The following ARHGEF10L variants were observed in gnomAD, a reference collection of about 807,000 sequenced individuals.
ARHGEF10L encodes the protein rho guanine nucleotide exchange factor 10-like protein.
Under a neutral mutation model 141.2 loss-of-function variants are expected in ARHGEF10L, and 69 were observed. That is an observed-to-expected ratio of 0.49 (90% CI 0.40 to 0.60). The LOEUF is 0.60. Ranked by LOEUF, ARHGEF10L falls within the 20% of genes least tolerant of loss-of-function variation. The pLI, the probability that ARHGEF10L is intolerant of heterozygous loss-of-function variation, is 0.00. For missense variants in ARHGEF10L, 1,482 were observed against 1,734.3 expected (o/e 0.85, Z 2.58); for synonymous variants, 711 against 718.5 (o/e 0.99, Z 0.17).
intron 4 of ARHGEF10L, among the ~76,000 whole-genome samples, chr1:17,596,373 G>C (rs2080100396): frequency 6.6e-6 from 1 of 152,220 alleles, no homozygotes; most frequent in African/African-American, 2.4e-5. Flanking sequence ...GGCGGGCGGT[G>C]ACACTGTGTG....
At chr1:17,515,459 A>C in the ARHGEF10L span, among the ~76,000 whole-genome samples, 2 of 151,316 alleles carry the variant, frequency 1.3e-5, no homozygotes, top group African/African-American at 4.9e-5. Flanking sequence ...ATGCCTGGCT[A>C]ATTTTTGTAT....
Position 17,656,484 on chromosome 1 carries a change from G to A in ARHGEF10L, c.2706-70G>A. On this transcript the variant is annotated intron_variant, in intron 24 of 28. Transcript: ENST00000361221. The surrounding 1 kb of genome is among the most constrained non-coding windows in gnomAD (Gnocchi z 4.9). The stretch of plus-strand genomic sequence containing the variant: ...GCTCCCTGGGGCCCTCTCCCTAGGA[G>A]GGCATGGGGGCAGTGAGTGGGTGGG... 1 of 1,550,424 alleles carries A rather than the reference G, an allele frequency of 6.4e-7. No homozygotes were observed. The highest frequency in any genetic ancestry group is 1.7e-4 in the Middle Eastern group (1 of 5,780).
intron 8 of ARHGEF10L, among the ~76,000 whole-genome samples, chr1:17,614,617 CAAG>C (rs1259493453): frequency 2.0e-5 from 3 of 151,850 alleles, no homozygotes; most frequent in Non-Finnish European, 2.9e-5. Flanking sequence ...CACCCCCCAA[CAAG>C]AAGAAGATGA....
chr1:17,545,839 G>T (rs963905853), intron 1 of ARHGEF10L, among the ~76,000 whole-genome samples: 5 of 152,212 alleles, frequency 3.3e-5, no homozygotes, highest in Non-Finnish European at 7.3e-5. Flanking sequence ...GGGGAATGGG[G>T]TAGGGAGAGG....
At chr1:17,630,724 C>A (rs556944996) in intron 15 of ARHGEF10L, among the ~76,000 whole-genome samples, 1 of 152,238 alleles carries the variant, frequency 6.6e-6, no homozygotes, top group Non-Finnish European at 1.5e-5. Context: ...CCTCAAGGAC[C>A]GCTGAGCTGA....
chr1:17,519,069 G>A, the ARHGEF10L span, among the ~76,000 whole-genome samples: 1 of 151,834 alleles, frequency 6.6e-6, no homozygotes, highest in Admixed American at 6.6e-5. Flanking sequence ...CAGCTACTCG[G>A]GAGGCTGAGG....
chr1:17,514,260 C>T, the ARHGEF10L span, among the ~76,000 whole-genome samples: 256 of 149,814 alleles, frequency 1.7e-3, 1 homozygote, highest in African/African-American at 3.1e-3. Flanking sequence ...CTCAGCCTCC[C>T]GAGTAGCTGA....
chr1:17,685,852 A>C (rs2064527713), intron 26 of ARHGEF10L, among the ~76,000 whole-genome samples: 1 of 152,262 alleles, frequency 6.6e-6, no homozygotes. Flanking sequence ...AGGAAGTCAG[A>C]TTTAATAGCA....
chr1:17,543,544 T>G (rs2076806870), intron 1 of ARHGEF10L, among the ~76,000 whole-genome samples: 1 of 151,964 alleles, frequency 6.6e-6, no homozygotes, highest in South Asian at 2.1e-4. Context: ...GGTTGTGCCA[T>G]TGTACTCCAG....
chr1:17,561,149 G>A (rs982821850), intron 1 of ARHGEF10L, among the ~76,000 whole-genome samples: 2 of 152,240 alleles, frequency 1.3e-5, no homozygotes, highest in African/African-American at 4.8e-5. Flanking sequence ...CTCCCAGCAC[G>A]TAGTAGGTGC....
chr1:17,664,809 G>GCCCA (rs962769167), intron 26 of ARHGEF10L, among the ~76,000 whole-genome samples: 1 of 152,228 alleles, frequency 6.6e-6, no homozygotes, highest in African/African-American at 2.4e-5. Flanking sequence ...AACAGAAAGT[G>GCCCA]CCCAGCTGCA....
Position 17,603,064 on chromosome 1 carries a change from G to A in ARHGEF10L, c.350-444G>A, listed in dbSNP as rs1053941269. On this transcript the variant is annotated intron_variant, in intron 5 of 28. Transcript: ENST00000361221. The surrounding 1 kb of genome is among the most constrained non-coding windows in gnomAD (Gnocchi z 4.8). ...GGGTCTCGTGACTTCTTCCTGGAAGGCCTGTGGGTCAAGGACCGGCTCCCA... is the reference window on the plus strand; with the variant it reads ...GGGTCTCGTGACTTCTTCCTGGAAGACCTGTGGGTCAAGGACCGGCTCCCA... Among the ~76,000 whole-genome samples, 16 of 151,928 alleles carry A rather than the reference G, an allele frequency of 1.1e-4. No individual in the cohort carries two copies. Among genetic ancestry groups the A allele is most frequent in the African/African-American group, 3.9e-4 (16 of 41,340 alleles).
chr1:17,592,567 C>T (rs753015802), intron 4 of ARHGEF10L, among the ~76,000 whole-genome samples: 1 of 152,086 alleles, frequency 6.6e-6, no homozygotes, highest in Non-Finnish European at 1.5e-5. Flanking sequence ...CTCAGCAAAG[C>T]AGTATTGGCA....
intron 27 of ARHGEF10L, among the ~76,000 whole-genome samples, chr1:17,692,279 A>G (rs1569837797): frequency 6.6e-6 from 1 of 152,018 alleles, no homozygotes; most frequent in Non-Finnish European, 1.5e-5. Context: ...GCATTTCCAC[A>G]TTGCAGGGAC....
chr1:17,644,492 C>T lies in ARHGEF10L; in HGVS notation c.2273-4062C>T, dbSNP rs1036803416. On this transcript the variant is annotated intron_variant, in intron 21 of 28. Coordinates refer to ENST00000361221, the MANE Select transcript of ARHGEF10L (RefSeq NM_018125.4). The surrounding 1 kb of genome is among the most constrained non-coding windows in gnomAD (Gnocchi z 4.5). The stretch of plus-strand genomic sequence containing the variant: ...TTTTACCCCAGCTGGGAGACTGTGG[C>T]TACTTGCTTGGCCTCCCTGGACACC... Among the ~76,000 whole-genome samples the T allele has an allele frequency of 6.6e-6, 1 of 152,238 alleles. No individual in the cohort carries two copies. The highest frequency in any genetic ancestry group is 1.5e-5 in the Non-Finnish European group (1 of 68,038).
Position 17,640,287 on chromosome 1 carries a change from G to T in ARHGEF10L, c.2257G>T (p.Ala753Ser). ...TTCCTGGGTCAACAGGTTACATTTG[G>T]CCAAAATCGGACTCCGTGAGTATAG... ...KISWVNRLHL[A>S]KIGLREENQP... is the part of the protein sequence containing the mutation. The change falls in exon 21 of 29, where the codon GCC becomes TCC. Residue 753 changes from alanine to serine, a missense_variant. By Grantham distance (99) the Ala-to-Ser change is moderately conservative. Transcript: ENST00000361221. The T allele has an allele frequency of 1.2e-6, 2 of 1,612,362 alleles. No individual in the cohort carries two copies. The highest frequency in any genetic ancestry group is 1.7e-6 in the Non-Finnish European group (2 of 1,179,266).
At chr1:17,630,069 T>C (rs1245500141) in intron 15 of ARHGEF10L, among the ~76,000 whole-genome samples, 1 of 152,182 alleles carries the variant, frequency 6.6e-6, no homozygotes. Context: ...GGTTGGACCA[T>C]GTGAGATGTT....
intron 15 of ARHGEF10L, among the ~76,000 whole-genome samples, chr1:17,629,230 A>T: frequency 6.7e-6 from 1 of 149,406 alleles, no homozygotes; most frequent in African/African-American, 2.5e-5. Context: ...TCTCACTATG[A>T]TGCCCAGGCT....
Position 17,644,704 on chromosome 1 carries a change from C to T in ARHGEF10L, c.2273-3850C>T, listed in dbSNP as rs1206940437. On this transcript the variant is annotated intron_variant, in intron 21 of 28. Transcript: ENST00000361221. This position sits in a 1 kb window ranked among gnomAD's most constrained non-coding sequence, Gnocchi z 4.5. ...GTAAAGGCACGATACTGGGACTGAGCCCAGTAGGAGTCTGGGAGGCAGGTC... is the reference window on the plus strand; with the variant it reads ...GTAAAGGCACGATACTGGGACTGAGTCCAGTAGGAGTCTGGGAGGCAGGTC... Among the ~76,000 whole-genome samples the T allele has an allele frequency of 1.3e-5, 2 of 152,064 alleles. No homozygotes were observed. Among genetic ancestry groups the T allele is most frequent in the African/African-American group, 4.8e-5 (2 of 41,482 alleles).
Sources: gnomAD v4.1 joint callset for allele counts (sites outside exome capture counted in the v4.1 genomes callset) on GRCh38, gnomAD v4.1.1 for gene constraint, Gnocchi (gnomAD v3.1) non-coding constraint, MANE v1.5 for transcripts, NCBI Gene and HGNC (gene_info 2026-07-23, HGNC 2026-07-21) for gene names.